The following CDH18 variants were observed in gnomAD, a reference collection of about 807,000 sequenced individuals.
CDH18 encodes cadherin 18.
CDH18 carries 31 observed loss-of-function variants against 67.9 expected under a neutral mutation model. The observed-to-expected ratio is 0.46, with a 90% CI of 0.34 to 0.62. The LOEUF is 0.62. Ranked by LOEUF, CDH18 falls within the 20% of genes least tolerant of loss-of-function variation. CDH18 has a pLI of 0.01. For missense variants in CDH18, 890 were observed against 975.5 expected (o/e 0.91, Z 1.17); for synonymous variants, 362 against 347.2 (o/e 1.04, Z -0.48).
chr5:20,304,559 C>T, intron 1 of CDH18: 1 of 1,611,462 alleles, frequency 6.2e-7, no homozygotes, highest in Non-Finnish European at 8.5e-7. Flanking sequence ...CTGGAGTTTC[C>T]AGGGGAGAAT....
chr5:20,274,874 A>G (rs1388716515), intron 1 of CDH18, among the ~76,000 whole-genome samples: 1 of 152,146 alleles, frequency 6.6e-6, no homozygotes, highest in Non-Finnish European at 1.5e-5. Flanking sequence ...AATTTAATAT[A>G]CTACTTTGCA....
intron 7 of CDH18, among the ~76,000 whole-genome samples, chr5:19,580,821 CT>C (rs1166323931): frequency 1.3e-5 from 2 of 151,940 alleles, no homozygotes; most frequent in East Asian, 3.9e-4. Flanking sequence ...CTATGTTATC[CT>C]GGTGGAAATC....
chr5:20,228,887 A>G (rs574024392), intron 2 of CDH18, among the ~76,000 whole-genome samples: 1 of 152,228 alleles, frequency 6.6e-6, no homozygotes, highest in Admixed American at 6.5e-5. Context: ...CCTCTTCTTG[A>G]CAGCAACAGA....
rs376353786 is a variant in CDH18 at position 19,635,623 on chromosome 5, A to AAAAC, written c.644-23026_644-23023dup. Among the ~76,000 whole-genome samples, 127 of 152,248 alleles carry AAAAC rather than the reference A, an allele frequency of 8.3e-4. 4 individuals carry two copies. The South Asian group carries it at 0.016, about 20-fold the overall frequency. The stretch of plus-strand genomic sequence containing the variant: ...TAAGTGACTACACTGTATTTTGACC[A>AAAAC]AAACAAACAAACAAACAAACAAAGA... On this transcript the variant is annotated intron_variant, in intron 5 of 12. Coordinates refer to ENST00000382275, the MANE Select transcript of CDH18 (RefSeq NM_004934.5).
At chr5:19,930,712 G>A (rs967418086) in intron 2 of CDH18, among the ~76,000 whole-genome samples, 1 of 151,982 alleles carries the variant, frequency 6.6e-6, no homozygotes, top group Admixed American at 6.6e-5. Flanking sequence ...ACAGCTGGCT[G>A]AAAACGAATC....
chr5:20,128,641 T>C (rs1343918647), intron 2 of CDH18, among the ~76,000 whole-genome samples: 1 of 152,116 alleles, frequency 6.6e-6, no homozygotes, highest in Non-Finnish European at 1.5e-5. Flanking sequence ...AACAGTTGAG[T>C]TTGTCAGCTT....
At chr5:19,521,543 T>C (rs1746896339) in intron 9 of CDH18, among the ~76,000 whole-genome samples, 1 of 152,160 alleles carries the variant, frequency 6.6e-6, no homozygotes, top group African/African-American at 2.4e-5. Flanking sequence ...TGCTAATGTA[T>C]CTGTCATTCT....
chr5:19,930,383 G>GA (rs1437344957), intron 2 of CDH18, among the ~76,000 whole-genome samples: 11 of 151,886 alleles, frequency 7.2e-5, no homozygotes, highest in African/African-American at 2.7e-4. Flanking sequence ...TAGGGCTAAA[G>GA]AAAAAGGTGA....
chr5:20,031,373 G>A (rs62354680), intron 2 of CDH18, among the ~76,000 whole-genome samples: 12,309 of 152,096 alleles, frequency 0.081, 690 homozygotes, highest in Non-Finnish European at 0.12. Flanking sequence ...TCACCACAGA[G>A]TCCTGAGTAT....
chr5:20,066,919 G>C (rs1268673162), intron 2 of CDH18, among the ~76,000 whole-genome samples: 1 of 151,678 alleles, frequency 6.6e-6, no homozygotes, highest in Non-Finnish European at 1.5e-5. Context: ...ATATTGAGAA[G>C]CTCCTCTAGT....
At chr5:19,687,588 C>T (rs967853181) in intron 5 of CDH18, among the ~76,000 whole-genome samples, 6 of 152,140 alleles carry the variant, frequency 3.9e-5, no homozygotes, top group African/African-American at 1.4e-4. Context: ...CCTGGGACTG[C>T]TACCACTGAA....
intron 10 of CDH18, among the ~76,000 whole-genome samples, chr5:19,513,056 A>G (rs1023525380): frequency 6.6e-6 from 1 of 152,030 alleles, no homozygotes; most frequent in African/African-American, 2.4e-5. Flanking sequence ...TTTTATTTAT[A>G]TATTTAATGA....
intron 1 of CDH18, among the ~76,000 whole-genome samples, chr5:20,548,250 T>C (rs1445097076): frequency 6.6e-6 from 1 of 151,102 alleles, no homozygotes; most frequent in Non-Finnish European, 1.5e-5. Flanking sequence ...ATTGGACATG[T>C]CAAAAATAAA....
At chr5:19,500,765 G>A (rs1421464949) in intron 11 of CDH18, among the ~76,000 whole-genome samples, 3 of 151,960 alleles carry the variant, frequency 2.0e-5, no homozygotes, top group African/African-American at 7.3e-5. Flanking sequence ...TATTTTTTAG[G>A]GGAAAACCTA....
At chr5:19,671,042 T>C (rs974760057) in intron 5 of CDH18, among the ~76,000 whole-genome samples, 1 of 152,118 alleles carries the variant, frequency 6.6e-6, no homozygotes, top group East Asian at 1.9e-4. Flanking sequence ...TTTGTATATA[T>C]GTATGTAGAG....
chr5:19,917,337 C>G (rs1373829731), intron 2 of CDH18, among the ~76,000 whole-genome samples: 6 of 134,392 alleles, frequency 4.5e-5, no homozygotes, highest in Non-Finnish European at 1.5e-5. Flanking sequence ...TTTTTTCTTT[C>G]CCCCCCCGCC....
At chr5:20,080,421 C>T (rs1020789495) in intron 2 of CDH18, among the ~76,000 whole-genome samples, 5 of 152,046 alleles carry the variant, frequency 3.3e-5, no homozygotes, top group African/African-American at 1.2e-4. Context: ...GGATGATATA[C>T]AAGTATAGTC....
intron 5 of CDH18, among the ~76,000 whole-genome samples, chr5:19,706,473 G>C (rs1348222824): frequency 6.6e-6 from 1 of 152,196 alleles, no homozygotes; most frequent in African/African-American, 2.4e-5. Flanking sequence ...TTTTACAGGA[G>C]GAGTTAATCC....
At chr5:19,485,248 G>A (rs999881510) in intron 11 of CDH18, among the ~76,000 whole-genome samples, 2 of 150,702 alleles carry the variant, frequency 1.3e-5, no homozygotes, top group African/African-American at 4.9e-5. Context: ...AACTACATCA[G>A]CTGTCTATTC....
Sources: gnomAD v4.1 joint callset for allele counts (sites outside exome capture counted in the v4.1 genomes callset) on GRCh38, gnomAD v4.1.1 for gene constraint, MANE v1.5 for transcripts, NCBI Gene and HGNC (gene_info 2026-07-23, HGNC 2026-07-21) for gene names.